KDM5B: variants seen among roughly 807,000 people sequenced by gnomAD.
The protein encoded by KDM5B is lysine demethylase 5B.
Under a neutral mutation model 193.4 loss-of-function variants are expected in KDM5B, and 144 were observed. The observed-to-expected ratio is 0.74, with a 90% CI of 0.65 to 0.86. The LOEUF (loss-of-function observed/expected upper bound fraction) is 0.86, where lower values mean the gene tolerates loss of function less well. KDM5B is among the 40% of genes least tolerant of loss of function. The probability of loss-of-function intolerance (pLI) is 0.00; values close to 1 mark genes in which losing one functional copy is unlikely to be tolerated. For missense variants in KDM5B, 1,833 were observed against 1,886.9 expected (o/e 0.97, Z 0.53); for synonymous variants, 668 against 682.6 (o/e 0.98, Z 0.33).
chr1:202,806,497 A>G (rs1658299182), intron 1 of KDM5B: 1 of 152,248 alleles, frequency 6.6e-6, no homozygotes, highest in Admixed American at 6.5e-5. Flanking sequence ...TCCCTTAAGC[A>G]GCAAGAATCA....
In KDM5B at chr1:202,758,427, A is replaced by G; in HGVS notation, c.1161T>C (p.Asp387=). Residue 387 remains aspartate (D), a synonymous_variant, in exon 9 of 27, where the codon GAT becomes GAC. Coordinates refer to ENST00000367265, the MANE Select transcript of KDM5B (RefSeq NM_006618.5). The part of the protein sequence containing the change: ...YTLRTFGEMA[D]AFKSDYFNMP... Reference sequence around the variant, plus strand: ...TGTTGAAGTAATCAGATTTGAACGCATCTGCCATTTCCCCAAAAGTACGGA... The same window carrying G: ...TGTTGAAGTAATCAGATTTGAACGCGTCTGCCATTTCCCCAAAAGTACGGA... 1 of 1,613,564 alleles carries G rather than the reference A, an allele frequency of 6.2e-7. No homozygotes were observed. Among genetic ancestry groups the G allele is most frequent in the Middle Eastern group, 1.7e-4 (1 of 6,058 alleles).
At chr1:202,736,710 C>T (rs113600038) in intron 20 of KDM5B, among the ~76,000 whole-genome samples, 11,862 of 151,904 alleles carry the variant, frequency 0.078, 553 homozygotes, top group African/African-American at 0.12. Flanking sequence ...GGTGCAATCT[C>T]AGCTCACTGC....
rs1654782311 is a variant in KDM5B at position 202,729,175 on chromosome 1, T to C, written c.4498-2A>G. 1.9e-6 allele frequency: 3 copies of C among 1,614,028 alleles called. No homozygotes were observed. The highest frequency in any genetic ancestry group is 2.5e-6 in the Non-Finnish European group (3 of 1,179,956). ...GCCATCACACTGGACCCAGTCCACC[T>C]GGTTACAAAGAGCAGGAAGATGGGG... is the stretch of plus-strand genomic sequence containing the variant. On this transcript the variant is annotated splice_acceptor_variant, in intron 26 of 26. Transcript: ENST00000367265. LOFTEE classifies it high-confidence loss of function.
intron 1 of KDM5B, among the ~76,000 whole-genome samples, chr1:202,804,427 C>A (rs1036153669): frequency 6.6e-6 from 1 of 152,062 alleles, no homozygotes; most frequent in Non-Finnish European, 1.5e-5. Context: ...GTCGATCAAA[C>A]CCCAAATTAG....
intron 1 of KDM5B, among the ~76,000 whole-genome samples, chr1:202,798,323 A>T (rs1338449665): frequency 7.6e-6 from 1 of 131,702 alleles, no homozygotes; most frequent in African/African-American, 2.9e-5. Context: ...TTTTGTACAG[A>T]TAGGGTCTGC....
intron 1 of KDM5B, among the ~76,000 whole-genome samples, chr1:202,789,700 C>G (rs1266986633): frequency 7.7e-6 from 1 of 129,852 alleles, no homozygotes; most frequent in Admixed American, 7.7e-5. Context: ...TTTTAATTAG[C>G]TAGGCATGGT....
chr1:202,740,939 C>A, intron 19 of KDM5B, 127 bp from the exon 20 acceptor site: 1 of 901,080 alleles, frequency 1.1e-6, no homozygotes, highest in Non-Finnish European at 1.7e-6. Context: ...ATGACATTGT[C>A]TATTCCTGTT....
intron 1 of KDM5B, among the ~76,000 whole-genome samples, chr1:202,779,532 G>A (rs752229513): frequency 6.6e-5 from 10 of 150,866 alleles, no homozygotes; most frequent in East Asian, 3.9e-4. Flanking sequence ...ATGGCCAGGC[G>A]CACTGGCTCA....
chr1:202,767,979 A>T (rs1372451493), intron 4 of KDM5B, among the ~76,000 whole-genome samples: 1 of 152,256 alleles, frequency 6.6e-6, no homozygotes, highest in Non-Finnish European at 1.5e-5. Flanking sequence ...GTATAGTTTC[A>T]GATATAACTA....
rs1054583081 is a variant in KDM5B, at chr1:202,808,381, C to T, written c.-76G>A. The T allele has an allele frequency of 6.0e-6, 8 of 1,338,186 alleles. No individual in the cohort carries two copies. The highest frequency in any genetic ancestry group is 5.9e-5 in the South Asian group (4 of 67,424). 82.9% of individuals were successfully genotyped at this position (1,338,186 alleles called of 1,614,324 possible). Reference sequence around the variant, plus strand: ...TGCGAGCTCCGCTCGGTCCGAGACCCGTGCAGACGCGGCTCGAGCAACAGC... The same window carrying T: ...TGCGAGCTCCGCTCGGTCCGAGACCTGTGCAGACGCGGCTCGAGCAACAGC... On this transcript the variant is annotated 5_prime_UTR_variant, in exon 1 of 27. Transcript: ENST00000367265.
intron 4 of KDM5B, among the ~76,000 whole-genome samples, chr1:202,768,115 G>C (rs565421853): frequency 6.6e-6 from 1 of 152,286 alleles, no homozygotes; most frequent in South Asian, 2.1e-4. Context: ...GCAAGGCAAA[G>C]ATCAACGGGT....
At chr1:202,732,057 A>AAAG in intron 23 of KDM5B, 118 bp from the exon 24 acceptor site, 1 of 636,746 alleles carries the variant, frequency 1.6e-6, no homozygotes, top group African/African-American at 1.9e-5. Context: ...AAAAAAAAAA[A>AAAG]CAACTTGATT....
chr1:202,759,580 G>T (rs552600426), intron 8 of KDM5B, among the ~76,000 whole-genome samples: 9 of 148,258 alleles, frequency 6.1e-5, no homozygotes, highest in African/African-American at 2.2e-4. Flanking sequence ...TCCTCATGAA[G>T]ATAATCGTAG....
chr1:202,799,392 G>T (rs1280175810), intron 1 of KDM5B, among the ~76,000 whole-genome samples: 1 of 152,064 alleles, frequency 6.6e-6, no homozygotes, highest in South Asian at 2.1e-4. Context: ...GGTGGCTCGC[G>T]CCTGTAATCC....
intron 20 of KDM5B, among the ~76,000 whole-genome samples, chr1:202,738,370 TA>T (rs1378324369): frequency 6.6e-6 from 1 of 152,246 alleles, no homozygotes; most frequent in African/African-American, 2.4e-5. Flanking sequence ...TAACTAAAAC[TA>T]ATTACTACAA....
chr1:202,728,788 T>G lies in KDM5B; in HGVS notation c.*248A>C. Reference sequence around the variant, plus strand: ...GTGGGAACCCCTGCAAAAAAAACAGTCAGCTTTTCAAACCTCAACAACCAC... The same window carrying G: ...GTGGGAACCCCTGCAAAAAAAACAGGCAGCTTTTCAAACCTCAACAACCAC... On this transcript the variant is annotated 3_prime_UTR_variant, in exon 27 of 27. Transcript: ENST00000367265. 2.5e-6 allele frequency: 1 copy of G among 396,402 alleles called. No homozygotes were observed. Among genetic ancestry groups the G allele is most frequent in the Non-Finnish European group, 4.6e-6 (1 of 219,560 alleles). 24.6% of individuals were successfully genotyped at this position (396,402 alleles called of 1,614,324 possible).
chr1:202,751,734 A>T (rs1655799972), intron 12 of KDM5B, among the ~76,000 whole-genome samples: 1 of 152,214 alleles, frequency 6.6e-6, no homozygotes, highest in East Asian at 1.9e-4. Context: ...TTTACTTCAG[A>T]TAATGAATCC....
At position 202,731,813 on chromosome 1, in the gene KDM5B, T is replaced by C; in HGVS notation, c.4021+15A>G. 6.5e-7 allele frequency: 1 copy of C among 1,547,464 alleles called. No individual in the cohort carries two copies. Among genetic ancestry groups the C allele is most frequent in the Admixed American group, 1.7e-5 (1 of 59,896 alleles). On this transcript the variant is annotated intron_variant, in intron 24 of 26. Coordinates refer to ENST00000367265, the MANE Select transcript of KDM5B (RefSeq NM_006618.5). ...CATTACTATCCAGCCCTCAACGTAATAACAAAATACAAACCATGGAGGGGG... is the reference window on the plus strand; with the variant it reads ...CATTACTATCCAGCCCTCAACGTAACAACAAAATACAAACCATGGAGGGGG...
At chr1:202,769,500 T>C (rs1362108468) in intron 4 of KDM5B, among the ~76,000 whole-genome samples, 2 of 150,608 alleles carry the variant, frequency 1.3e-5, no homozygotes, top group African/African-American at 4.9e-5. Context: ...TGAAACCCCG[T>C]CCTTACTAAA....
Sources: allele counts gnomAD v4.1 joint callset (sites outside exome capture counted in the v4.1 genomes callset), GRCh38; gene constraint gnomAD v4.1.1; transcripts MANE v1.5; gene names NCBI Gene and HGNC (gene_info 2026-07-23, HGNC 2026-07-21).